The following RAD54B variants were observed in gnomAD, a reference collection of about 807,000 sequenced individuals.
RAD54B encodes the protein RAD54 homolog B, also known as DNA repair and recombination protein RAD54B.
Under a neutral mutation model 95.8 loss-of-function variants are expected in RAD54B, and 78 were observed. That is an observed-to-expected ratio of 0.81 (90% CI 0.68 to 0.98). RAD54B has a LOEUF of 0.98. RAD54B is among the 50% of genes least tolerant of loss of function. The pLI is 0.00. For synonymous variants in RAD54B, 328 were observed against 354.9 expected, an observed-to-expected ratio of 0.92 and a Z score of 0.85; for missense variants, 957 against 1,056.6, an observed-to-expected ratio of 0.91 and a Z score of 1.31.
chr8:94,373,200 A>G (rs1810482569), intron 14 of RAD54B: 1 of 152,238 alleles, frequency 6.6e-6, no homozygotes, highest in African/African-American at 2.4e-5. Flanking sequence ...ATACGAGCCT[A>G]TGCAATTAAA....
At chr8:94,436,014 T>C (rs988495441) in intron 3 of RAD54B, among the ~76,000 whole-genome samples, 1 of 152,136 alleles carries the variant, frequency 6.6e-6, no homozygotes, top group Non-Finnish European at 1.5e-5. Flanking sequence ...TTGTTTATAT[T>C]TGTTAGTTAA....
rs1373718125 is a variant in RAD54B, at chr8:94,372,181, T to C, written c.2722A>G (p.Thr908Ala). 6.2e-7 allele frequency: 1 copy of C among 1,604,704 alleles called. No individual in the cohort carries two copies. Among genetic ancestry groups the C allele is most frequent in the Non-Finnish European group, 8.5e-7 (1 of 1,177,554 alleles). Residue 908 changes from threonine (T) to alanine (A), a missense_variant, in exon 15 of 15, where the codon ACT becomes GCT. By Grantham distance (58) the Thr-to-Ala change is moderately conservative. Coordinates refer to ENST00000336148, the MANE Select transcript of RAD54B (RefSeq NM_012415.3). Reference sequence around the variant, plus strand: ...GAAGTAATCTTTCACTATGTGCCAGTAGCTTGAGTGGTTATATTCTGAAAA... The same window carrying C: ...GAAGTAATCTTTCACTATGTGCCAGCAGCTTGAGTGGTTATATTCTGAAAA... ...FIFQNITTQA[T>A]GT
chr8:94,454,847 T>G (rs1172111662), intron 3 of RAD54B, among the ~76,000 whole-genome samples: 2 of 152,202 alleles, frequency 1.3e-5, no homozygotes, highest in African/African-American at 4.8e-5. Context: ...TCTGAGAATT[T>G]ATAAACCCTT....
rs1810906964 is a variant in RAD54B, at chr8:94,387,087, G to C, written c.1882C>G (p.Pro628Ala). The change falls in exon 11 of 15, where the codon CCT becomes GCT. Residue 628 changes from proline to alanine, a missense_variant. Coordinates refer to ENST00000336148, the MANE Select transcript of RAD54B (RefSeq NM_012415.3). ...SLYKGLLSVF[P>A]ADYNPLLFTE... ...AACAGGAGAGGGTTGTAGTCAGCAG[G>C]AAACACACTTAGCAAGCCTTTGTAT... is the stretch of plus-strand genomic sequence containing the variant. The C allele has an allele frequency of 1.2e-6, 2 of 1,613,312 alleles. No individual in the cohort carries two copies. Among genetic ancestry groups the C allele is most frequent in the Non-Finnish European group, 1.7e-6 (2 of 1,179,564 alleles).
chr8:94,388,035 C>T (rs1341461739), intron 10 of RAD54B, among the ~76,000 whole-genome samples: 1 of 152,206 alleles, frequency 6.6e-6, no homozygotes, highest in East Asian at 1.9e-4. Flanking sequence ...CAAATTATAC[C>T]TGATTATTCA....
chr8:94,405,473 C>T (rs1034360991), intron 5 of RAD54B, among the ~76,000 whole-genome samples: 17 of 152,140 alleles, frequency 1.1e-4, no homozygotes, highest in Admixed American at 3.9e-4. Context: ...GTCATGTTTA[C>T]CATTAACAAA....
At chr8:94,407,024 A>G (rs1309141999) in intron 5 of RAD54B, among the ~76,000 whole-genome samples, 2 of 152,176 alleles carry the variant, frequency 1.3e-5, no homozygotes, top group Admixed American at 6.5e-5. Context: ...TTACCATTCA[A>G]TATTTTTACA....
In RAD54B at chr8:94,381,098, C is replaced by A. The variant is rs536721670; in HGVS notation, c.1986-692G>T. On this transcript the variant is annotated intron_variant, in intron 11 of 14. Transcript: ENST00000336148. The stretch of plus-strand genomic sequence containing the variant: ...CTTGAATCCAAGAGTTTCAGTCCAG[C>A]CTGGACAATAGAGCAAGGCCCTGTC... 3.3e-5 allele frequency among the ~76,000 whole-genome samples: 5 copies of A among 151,068 alleles called. No individual in the cohort carries two copies. In the East Asian group the frequency reaches 9.7e-4, roughly 29 times the overall value.
chr8:94,380,490 A>G (rs1415493487), intron 11 of RAD54B, 84 bp from the exon 12 acceptor site: 2 of 1,304,242 alleles, frequency 1.5e-6, no homozygotes, highest in Non-Finnish European at 2.1e-6. Context: ...CCACAATAAT[A>G]TTATCACTGA....
intron 6 of RAD54B, among the ~76,000 whole-genome samples, chr8:94,401,485 C>T (rs971700500): frequency 6.6e-6 from 1 of 152,030 alleles, no homozygotes; most frequent in African/African-American, 2.4e-5. Context: ...TGTAAAAATA[C>T]AGTATATAAT....
chr8:94,380,874 T>C (rs1810722303), intron 11 of RAD54B, among the ~76,000 whole-genome samples: 1 of 152,196 alleles, frequency 6.6e-6, no homozygotes, highest in South Asian at 2.1e-4. Context: ...CTGGAACTAT[T>C]ACAACATTGG....
intron 3 of RAD54B, among the ~76,000 whole-genome samples, chr8:94,442,618 A>C (rs1812430265): frequency 6.6e-6 from 1 of 151,744 alleles, no homozygotes. Context: ...TAGAAAGAAT[A>C]AGATCTAGTG....
At position 94,380,321 on chromosome 8, in the gene RAD54B, C is replaced by T. The variant is rs1400780528; in HGVS notation, c.2071G>A (p.Asp691Asn). 6.2e-7 allele frequency: 1 copy of T among 1,613,980 alleles called. No homozygotes were observed. Among genetic ancestry groups the T allele is most frequent in the Non-Finnish European group, 8.5e-7 (1 of 1,179,990 alleles). ...CTTTGAGAGATTGGTGTTTGTCCAT[C>T]AAGTCTTGTATAAGCATATCCATGA... ...KRHGYAYTRLDGQTPISQRQQ... is the reference protein window; with the variant it reads ...KRHGYAYTRLNGQTPISQRQQ... Residue 691 changes from aspartate to asparagine, a missense_variant, in exon 12 of 15, where the codon GAT (aspartate) becomes AAT (asparagine). Coordinates refer to ENST00000336148, the MANE Select transcript of RAD54B (RefSeq NM_012415.3).
chr8:94,377,192 G>A (rs567597645), intron 14 of RAD54B, among the ~76,000 whole-genome samples: 2 of 152,078 alleles, frequency 1.3e-5, no homozygotes, highest in Non-Finnish European at 2.9e-5. Flanking sequence ...TAAACAACAG[G>A]ATTATTCTGT....
intron 3 of RAD54B, among the ~76,000 whole-genome samples, chr8:94,417,617 C>T (rs1811707145): frequency 6.6e-6 from 1 of 151,678 alleles, no homozygotes; most frequent in Non-Finnish European, 1.5e-5. Context: ...AAAAGTTAAA[C>T]ATACACCTAC....
intron 3 of RAD54B, among the ~76,000 whole-genome samples, chr8:94,448,228 C>T (rs1646055475): frequency 6.6e-6 from 1 of 151,708 alleles, no homozygotes; most frequent in Non-Finnish European, 1.5e-5. Context: ...TTTTGTCTTT[C>T]CATTGAGCTA....
chr8:94,379,561 G>A (rs186141515), intron 12 of RAD54B, among the ~76,000 whole-genome samples: 1 of 152,284 alleles, frequency 6.6e-6, no homozygotes, highest in East Asian at 1.9e-4. Context: ...ATAACTGTGA[G>A]TATAGCTGCT....
intron 14 of RAD54B, among the ~76,000 whole-genome samples, chr8:94,375,919 AGG>A (rs1205822427): frequency 7.3e-4 from 110 of 151,360 alleles, no homozygotes; most frequent in African/African-American, 2.0e-3. Context: ...AGGGTAGAGT[AGG>A]AGGTAGAGTA....
chr8:94,468,532 GAA>G (rs56230686), intron 1 of RAD54B, among the ~76,000 whole-genome samples: 6 of 145,154 alleles, frequency 4.1e-5, no homozygotes, highest in Admixed American at 6.8e-5. Flanking sequence ...TTAAAATTAA[GAA>G]AAAAAAAAAG....
Sources: allele counts gnomAD v4.1 joint callset (sites outside exome capture counted in the v4.1 genomes callset), GRCh38; gene constraint gnomAD v4.1.1; transcripts MANE v1.5; gene names NCBI Gene and HGNC (gene_info 2026-07-23, HGNC 2026-07-21).